Variants in TAFA4 observed in about 807,000 individuals in gnomAD.
TAFA4 encodes TAFA chemokine like family member 4.
A neutral mutation model predicts 21.1 loss-of-function variants in TAFA4; 20 were observed. The observed-to-expected ratio is 0.95, with a 90% CI of 0.67 to 1.38. The LOEUF (loss-of-function observed/expected upper bound fraction) is 1.38, where lower values mean the gene tolerates loss of function less well. Among genes scored for constraint, TAFA4 ranks in the 40% most tolerant of loss-of-function variants. The pLI, the probability that TAFA4 is intolerant of heterozygous loss-of-function variation, is 0.00. For synonymous variants in TAFA4, 71 were observed against 67.4 expected, an observed-to-expected ratio of 1.05 and a Z score of -0.26; for missense variants, 211 against 180.9, an observed-to-expected ratio of 1.17 and a Z score of -0.95.
chr3:68,755,178 C>T (rs1021137212), intron 3 of TAFA4, among the ~76,000 whole-genome samples: 2 of 152,188 alleles, frequency 1.3e-5, no homozygotes, highest in African/African-American at 2.4e-5. Context: ...TATCTCCCAT[C>T]ACCAACCACC....
At chr3:68,931,193 C>A (rs777722881) in intron 1 of TAFA4, among the ~76,000 whole-genome samples, 2 of 152,168 alleles carry the variant, frequency 1.3e-5, no homozygotes, top group African/African-American at 2.4e-5. Flanking sequence ...CACATCACAT[C>A]AACCTTGCTT....
At chr3:68,817,751 A>G (rs1424115638) in intron 3 of TAFA4, among the ~76,000 whole-genome samples, 1 of 152,004 alleles carries the variant, frequency 6.6e-6, no homozygotes, top group African/African-American at 2.4e-5. Context: ...TAATATTTGA[A>G]AAGGAATCTC....
chr3:68,793,064 A>G (rs1345063469), intron 3 of TAFA4, among the ~76,000 whole-genome samples: 1 of 152,084 alleles, frequency 6.6e-6, no homozygotes, highest in Non-Finnish European at 1.5e-5. Context: ...TGCTTTTATT[A>G]TTCTTGAGTT....
chr3:68,797,721 C>G (rs546299007), intron 3 of TAFA4, among the ~76,000 whole-genome samples: 1 of 151,238 alleles, frequency 6.6e-6, no homozygotes, highest in South Asian at 2.1e-4. Context: ...AGAAAAATAC[C>G]ATACGAGGTA....
At chr3:68,744,945 T>C (rs1702429650) in intron 4 of TAFA4, among the ~76,000 whole-genome samples, 2 of 152,290 alleles carry the variant, frequency 1.3e-5, no homozygotes, top group South Asian at 4.1e-4. Flanking sequence ...CAAATATATA[T>C]ATTTTCCCAT....
At chr3:68,774,244 T>C (rs1223220564) in intron 3 of TAFA4, among the ~76,000 whole-genome samples, 2 of 152,250 alleles carry the variant, frequency 1.3e-5, no homozygotes, top group African/African-American at 4.8e-5. Context: ...CAAATGTTTA[T>C]AGTATAATGT....
intron 3 of TAFA4, among the ~76,000 whole-genome samples, chr3:68,823,765 C>G (rs957760384): frequency 6.6e-6 from 1 of 152,142 alleles, no homozygotes; most frequent in Non-Finnish European, 1.5e-5. Flanking sequence ...ATTCACGTCC[C>G]TACAAAGGAC....
intron 3 of TAFA4, among the ~76,000 whole-genome samples, chr3:68,843,906 G>A (rs1704725975): frequency 1.3e-5 from 2 of 152,224 alleles, no homozygotes; most frequent in South Asian, 4.1e-4. Context: ...ATGTGCTGCT[G>A]GATTTGGTTT....
intron 3 of TAFA4, among the ~76,000 whole-genome samples, chr3:68,868,368 A>T (rs944744920): frequency 6.6e-6 from 1 of 152,078 alleles, no homozygotes; most frequent in African/African-American, 2.4e-5. Flanking sequence ...ATCAACAAAG[A>T]AACATCAGAG....
chr3:68,900,783 C>T (rs114144711), intron 1 of TAFA4, among the ~76,000 whole-genome samples: 435 of 152,282 alleles, frequency 2.9e-3, no homozygotes, highest in Non-Finnish European at 5.2e-3. Context: ...ATCAGGCTAT[C>T]CCATTTCCTT....
At chr3:68,736,620 G>A (rs1702245229) in intron 5 of TAFA4, among the ~76,000 whole-genome samples, 1 of 152,048 alleles carries the variant, frequency 6.6e-6, no homozygotes, top group Non-Finnish European at 1.5e-5. Flanking sequence ...ATACAGTTTA[G>A]TTAATACGTC....
chr3:68,827,190 C>G (rs1030377690), intron 3 of TAFA4, among the ~76,000 whole-genome samples: 2 of 152,114 alleles, frequency 1.3e-5, no homozygotes, highest in Non-Finnish European at 2.9e-5. Context: ...CCAGCTTCAT[C>G]CATGTCCCTG....
intron 3 of TAFA4, among the ~76,000 whole-genome samples, chr3:68,824,883 G>A (rs1704192521): frequency 1.3e-5 from 2 of 152,112 alleles, no homozygotes; most frequent in South Asian, 2.1e-4. Flanking sequence ...TTACGCGTAC[G>A]GGATTTTCTT....
In TAFA4 at chr3:68,836,800, C is replaced by G. The variant is rs1315174732; in HGVS notation, c.130+43930G>C. Among the ~76,000 whole-genome samples, 3 of 150,248 alleles carry G rather than the reference C, an allele frequency of 2.0e-5. No individual in the cohort carries two copies. The East Asian group carries it at 5.8e-4, about 29-fold the overall frequency. On this transcript the variant is annotated intron_variant, in intron 3 of 5. Coordinates refer to ENST00000295569, the MANE Select transcript of TAFA4 (RefSeq NM_182522.5). ...GGAGTCCAGGGGTCAGGGTTCAAGT[C>G]CTGACTATGCTACCAGGGTTCAAGT...
At chr3:68,919,872 A>T (rs554175704) in intron 1 of TAFA4, among the ~76,000 whole-genome samples, 9 of 152,334 alleles carry the variant, frequency 5.9e-5, no homozygotes, top group African/African-American at 1.9e-4. Context: ...TTCCAGACAC[A>T]TTCCCAAGCC....
rs774328652 is a variant in TAFA4, at chr3:68,885,146, T to C, written c.14+29A>G. On this transcript the variant is annotated intron_variant, in intron 2 of 5. Coordinates refer to ENST00000295569, the MANE Select transcript of TAFA4 (RefSeq NM_182522.5). The stretch of plus-strand genomic sequence containing the variant: ...TTCTCAATACTTTGTAAAGATATCA[T>C]GTCCAGGTGAACGTTAAAATAATCT... The C allele has an allele frequency of 7.5e-6, 12 of 1,609,574 alleles. No homozygotes were observed. In the Admixed American group the frequency reaches 1.0e-4, roughly 13 times the overall value.
In TAFA4 at chr3:68,815,641, A is replaced by G. The variant is rs187180485; in HGVS notation, c.131-62623T>C. ...GCCATCTCACACCAGTTAGAATGGC[A>G]ATCATTAAAAAGTCAGGAAACAACA... On this transcript the variant is annotated intron_variant, in intron 3 of 5. Transcript: ENST00000295569. 2.4e-3 allele frequency among the ~76,000 whole-genome samples: 363 copies of G among 152,278 alleles called. 3 individuals are homozygous for G. The highest frequency in any genetic ancestry group is 7.8e-3 in the African/African-American group (323 of 41,564).
chr3:68,896,628 TG>T (rs1164805178), intron 1 of TAFA4, among the ~76,000 whole-genome samples: 7 of 152,190 alleles, frequency 4.6e-5, no homozygotes, highest in Non-Finnish European at 8.8e-5. Flanking sequence ...GAAGAAAAAG[TG>T]GCAAAACACC....
chr3:68,903,409 C>T (rs1052296998), intron 1 of TAFA4, among the ~76,000 whole-genome samples: 2 of 152,076 alleles, frequency 1.3e-5, no homozygotes, highest in East Asian at 1.9e-4. Flanking sequence ...ATGACTTGGC[C>T]GCAAATAGAA....
Sources: allele counts gnomAD v4.1 joint callset (sites outside exome capture counted in the v4.1 genomes callset), GRCh38; gene constraint gnomAD v4.1.1; transcripts MANE v1.5; gene names NCBI Gene and HGNC (gene_info 2026-07-23, HGNC 2026-07-21).